IQGAP3: variants seen among roughly 807,000 people sequenced by gnomAD.
IQGAP3 encodes the protein IQ motif containing GTPase activating protein 3, also known as ras GTPase-activating-like protein IQGAP3.
In IQGAP3, 165 loss-of-function variants were observed where a neutral mutation model predicts 208.2. That is an observed-to-expected ratio of 0.79 (90% CI 0.70 to 0.90). The LOEUF (loss-of-function observed/expected upper bound fraction) is 0.90. Among genes scored for constraint, IQGAP3 ranks in the 40% least tolerant of loss-of-function variants. The pLI is 0.00. For missense variants in IQGAP3, 1,811 were observed against 2,043.1 expected, an observed-to-expected ratio of 0.89 and a Z score of 2.19; for synonymous variants, 703 against 803.6, an observed-to-expected ratio of 0.87 and a Z score of 2.12.
In IQGAP3 at chr1:156,552,073, A is replaced by G. The variant is rs1379397185; in HGVS notation, c.1471T>C (p.Leu491=). ...AQRYFDALLK[L]RQERGMGEDF... is the part of the protein sequence containing the mutation. Reference sequence around the variant, plus strand: ...TCACCCATCCCACGCTCCTGTCGCAATTTCAGCAGGGCATCGAAGTAACTG... The same window carrying G: ...TCACCCATCCCACGCTCCTGTCGCAGTTTCAGCAGGGCATCGAAGTAACTG... Residue 491 remains leucine, a synonymous_variant, in exon 14 of 38, where the codon TTG becomes CTG. Transcript: ENST00000361170. The G allele has an allele frequency of 1.2e-6, 2 of 1,613,974 alleles. No homozygotes were observed. The highest frequency in any genetic ancestry group is 1.3e-5 in the African/African-American group (1 of 74,914).
At chr1:156,535,651 T>TAGGAC (rs1674652918) in intron 27 of IQGAP3, among the ~76,000 whole-genome samples, 1 of 152,164 alleles carries the variant, frequency 6.6e-6, no homozygotes, top group Non-Finnish European at 1.5e-5. Context: ...AACCCTGTCC[T>TAGGAC]AGGACAGCCT....
Position 156,562,570 on chromosome 1 carries a change from T to G in IQGAP3, c.877+17A>C, listed in dbSNP as rs1441667008. On this transcript the variant is annotated intron_variant, in intron 9 of 37. Coordinates refer to ENST00000361170, the MANE Select transcript of IQGAP3 (RefSeq NM_178229.5). ...CCTGAGGTCACCCCCAAACCACTCC[T>G]GCTCGAGGTCTCTTACCGTTGACAT... The G allele has an allele frequency of 1.9e-6, 3 of 1,611,000 alleles. No individual in the cohort carries two copies. The highest frequency in any genetic ancestry group is 2.5e-6 in the Non-Finnish European group (3 of 1,177,158).
chr1:156,546,270 C>T (rs990632435), intron 19 of IQGAP3, among the ~76,000 whole-genome samples: 1 of 152,178 alleles, frequency 6.6e-6, no homozygotes, highest in Non-Finnish European at 1.5e-5. Flanking sequence ...AGTCTCAGCA[C>T]ACCCAGGAAG....
Position 156,566,434 on chromosome 1 carries a change from C to G in IQGAP3, c.238G>C (p.Val80Leu), listed in dbSNP as rs1429012310. Reference sequence around the variant, plus strand: ...ACATCGTAGATCTTCTTCAAGGGAACCACGGAGGGTGCAAAACAGTGGCCT... The same window carrying G: ...ACATCGTAGATCTTCTTCAAGGGAAGCACGGAGGGTGCAAAACAGTGGCCT... The part of the protein sequence containing the change: ...KLGHCFAPSV[V>L]PLKKIYDVEQ... Residue 80 changes from valine to leucine, a missense_variant, in exon 3 of 38, where the codon GTT (valine) becomes CTT (leucine). Val to Leu is a conservative substitution (Grantham distance 32). Coordinates refer to ENST00000361170, the MANE Select transcript of IQGAP3 (RefSeq NM_178229.5). 1 of 1,614,154 alleles carries G rather than the reference C, an allele frequency of 6.2e-7. No individual in the cohort carries two copies. Among genetic ancestry groups the G allele is most frequent in the Admixed American group, 1.7e-5 (1 of 60,020 alleles).
chr1:156,545,171 C>T (rs375237901), intron 19 of IQGAP3, among the ~76,000 whole-genome samples: 6 of 152,282 alleles, frequency 3.9e-5, no homozygotes, highest in African/African-American at 1.2e-4. Flanking sequence ...AGGGCCCAAC[C>T]GACGTCTGCA....
At chr1:156,551,601 C>T in intron 15 of IQGAP3, 104 bp downstream of exon 15, 1 of 1,216,908 alleles carries the variant, frequency 8.2e-7, no homozygotes, top group Non-Finnish European at 1.1e-6. Context: ...CACCCAGAAG[C>T]CATTGTGTCC....
intron 1 of IQGAP3, among the ~76,000 whole-genome samples, chr1:156,571,887 G>A (rs1676661074): frequency 6.6e-6 from 1 of 152,168 alleles, no homozygotes; most frequent in African/African-American, 2.4e-5. Flanking sequence ...CTCTAAAACA[G>A]TGTCTTTGAA....
At chr1:156,569,668 G>A (rs1027060399) in intron 1 of IQGAP3, among the ~76,000 whole-genome samples, 2 of 148,120 alleles carry the variant, frequency 1.4e-5, no homozygotes, top group African/African-American at 2.5e-5. Context: ...ACAGGCGCCC[G>A]CCACCACGCC....
At chr1:156,571,714 A>G (rs149396025) in intron 1 of IQGAP3, among the ~76,000 whole-genome samples, 332 of 152,344 alleles carry the variant, frequency 2.2e-3, no homozygotes, top group African/African-American at 7.8e-3. Context: ...TGTCCTTCTC[A>G]GGTCTGGAAC....
intron 11 of IQGAP3, among the ~76,000 whole-genome samples, chr1:156,557,270 C>T (rs1284806411): frequency 1.4e-4 from 1 of 7,210 alleles, no homozygotes; most frequent in African/African-American, 1.5e-4. Context: ...CCCGGCCAGC[C>T]GCCCCGTCCG....
At chr1:156,553,301 T>C (rs1442872835) in intron 13 of IQGAP3, among the ~76,000 whole-genome samples, 1 of 152,224 alleles carries the variant, frequency 6.6e-6, no homozygotes, top group Non-Finnish European at 1.5e-5. Flanking sequence ...CTACTTGGTC[T>C]TCATCTCCCA....
Position 156,529,101 on chromosome 1 carries a change from T to C in IQGAP3, c.4405-19A>G. Reference sequence around the variant, plus strand: ...GGATGTCCTGGGGTTGGGGAACAGATGGAGGGATGAGTGGTCCTTCCTGGC... The same window carrying C: ...GGATGTCCTGGGGTTGGGGAACAGACGGAGGGATGAGTGGTCCTTCCTGGC... On this transcript the variant is annotated intron_variant, in intron 34 of 37. Transcript: ENST00000361170. 6.2e-7 allele frequency: 1 copy of C among 1,613,066 alleles called. No homozygotes were observed. The highest frequency in any genetic ancestry group is 1.3e-5 in the African/African-American group (1 of 75,020).
Position 156,539,849 on chromosome 1 carries a change from A to G in IQGAP3, c.2881T>C (p.Tyr961His). Residue 961 changes from tyrosine (Y) to histidine (H), a missense_variant, in exon 24 of 38, where the codon TAC (tyrosine) becomes CAC (histidine). By Grantham distance (83) the Tyr-to-His change is moderately conservative (BLOSUM62 2). Coordinates refer to ENST00000361170, the MANE Select transcript of IQGAP3 (RefSeq NM_178229.5). ...AGTCCTCTGCTAACCTGGAGCAGGT[A>G]GAAGAGGTGTTGGTATGCTTCTAGT... The part of the protein sequence containing the change: ...QKLEAYQHLF[Y>H]LLQTQPIYLA... The G allele has an allele frequency of 6.2e-6, 10 of 1,614,216 alleles. No individual in the cohort carries two copies. The highest frequency in any genetic ancestry group is 8.5e-6 in the Non-Finnish European group (10 of 1,180,030).
chr1:156,551,711 C>A lies in IQGAP3; in HGVS notation c.1728G>T (p.Lys576Asn), dbSNP rs759333521. 3.1e-6 allele frequency: 5 copies of A among 1,610,192 alleles called. No individual in the cohort carries two copies. Among genetic ancestry groups the A allele is most frequent in the Non-Finnish European group, 4.2e-6 (5 of 1,178,624 alleles). Residue 576 changes from lysine (K) to asparagine (N), a missense_variant, in exon 15 of 38, where the codon AAG becomes AAT. Transcript: ENST00000361170. Reference protein sequence around the residue: ...HLLLVAAKRQKAQVTGDPGAV... With the variant: ...HLLLVAAKRQNAQVTGDPGAV... The stretch of plus-strand genomic sequence containing the variant: ...CAACCAGCCCTAACTTCACCTGGGC[C>A]TTCTGCCTTTTGGCTGCCACAAGGA...
intron 25 of IQGAP3, 126 bp downstream of exon 25, chr1:156,539,248 G>A: frequency 1.0e-6 from 1 of 969,676 alleles, no homozygotes; most frequent in Non-Finnish European, 1.5e-6. Flanking sequence ...ACAGGAGGTA[G>A]AGAAAAGAGG....
rs117553834 is a variant in IQGAP3 at position 156,563,386 on chromosome 1, A to G, written c.620-74T>C. ...ATTGGAGCGCAACCAGTAGCAGCCCACTCTAATGTCATCCTTTTTCCCACC... is the reference window on the plus strand; with the variant it reads ...ATTGGAGCGCAACCAGTAGCAGCCCGCTCTAATGTCATCCTTTTTCCCACC... On this transcript the variant is annotated intron_variant, in intron 7 of 37. Coordinates refer to ENST00000361170, the MANE Select transcript of IQGAP3 (RefSeq NM_178229.5). 2,171 of 1,468,508 alleles carry G rather than the reference A, an allele frequency of 1.5e-3. 48 individuals carry two copies. The East Asian group carries it at 0.045, about 30-fold the overall frequency. 91.0% of individuals were successfully genotyped at this position (1,468,508 alleles called of 1,614,324 possible).
chr1:156,550,465 C>T (rs1025361567), intron 15 of IQGAP3, 114 bp from the exon 16 acceptor site: 63 of 716,628 alleles, frequency 8.8e-5, no homozygotes, highest in Non-Finnish European at 1.5e-4. Flanking sequence ...GCCACAGGGA[C>T]AGTGATCTCC....
In IQGAP3 at chr1:156,569,477, C is replaced by T. The variant is rs571427233; in HGVS notation, c.38-14G>A. On this transcript the variant is annotated splice_polypyrimidine_tract_variant and intron_variant, in intron 1 of 37. Coordinates refer to ENST00000361170, the MANE Select transcript of IQGAP3 (RefSeq NM_178229.5). ...TGAGGCGTTCATCTGAGGAGTTAAACGGGATAAGGTCAATGAAGAGAGCAT... is the reference window on the plus strand; with the variant it reads ...TGAGGCGTTCATCTGAGGAGTTAAATGGGATAAGGTCAATGAAGAGAGCAT... The T allele has an allele frequency of 3.1e-5, 48 of 1,551,806 alleles. No individual in the cohort carries two copies. Among genetic ancestry groups the T allele is most frequent in the South Asian group, 1.6e-4 (14 of 88,264 alleles).
intron 33 of IQGAP3, 34 bp downstream of exon 33, chr1:156,531,126 G>T (rs1360140194): frequency 1.4e-6 from 2 of 1,475,484 alleles, no homozygotes; most frequent in Non-Finnish European, 1.9e-6. Flanking sequence ...GGGGATGAAT[G>T]AGACAGAACC....
Sources: gnomAD v4.1 joint callset for allele counts (sites outside exome capture counted in the v4.1 genomes callset) on GRCh38, gnomAD v4.1.1 for gene constraint, MANE v1.5 for transcripts, NCBI Gene and HGNC (gene_info 2026-07-23, HGNC 2026-07-21) for gene names.